SPOCD1: variants seen among roughly 807,000 people sequenced by gnomAD.
The protein encoded by SPOCD1 is SPOC domain containing 1, also known as SPOC domain-containing protein 1.
A neutral mutation model predicts 92.2 loss-of-function variants in SPOCD1; 64 were observed. The observed-to-expected ratio is 0.69, with a 90% CI of 0.57 to 0.86. The LOEUF (loss-of-function observed/expected upper bound fraction) is 0.86, where lower values mean the gene tolerates loss of function less well. Ranked by LOEUF, SPOCD1 falls within the 40% of genes least tolerant of loss-of-function variation. The pLI, the probability that SPOCD1 is intolerant of heterozygous loss-of-function variation, is 0.00. For synonymous variants in SPOCD1, 578 were observed against 619.3 expected (o/e 0.93, Z 0.99); for missense variants, 1,360 against 1,543.1 (o/e 0.88, Z 1.99).
chr1:31,814,109 A>T lies in SPOCD1; in HGVS notation c.1225T>A (p.Cys409Ser), dbSNP rs140273345. ...CTCTGCTCCATGAATGGGCCTGAGCAGGCCCTGCTGGCTTCAGTATCCAGG... is the reference window on the plus strand; with the variant it reads ...CTCTGCTCCATGAATGGGCCTGAGCTGGCCCTGCTGGCTTCAGTATCCAGG... ...SSLDTEASRACSGPFMEQRRS... is the reference protein window; with the variant it reads ...SSLDTEASRASSGPFMEQRRS... The change falls in exon 2 of 16, where the codon TGC (cysteine) becomes AGC (serine). Residue 409 changes from cysteine to serine, a missense_variant. Coordinates refer to ENST00000360482, the MANE Select transcript of SPOCD1 (RefSeq NM_144569.7). This position sits in a 1 kb window ranked among gnomAD's most constrained non-coding sequence, Gnocchi z 4.2. The T allele has an allele frequency of 3.7e-6, 6 of 1,610,236 alleles. No homozygotes were observed. The highest frequency in any genetic ancestry group is 5.1e-6 in the Non-Finnish European group (6 of 1,177,362).
chr1:31,793,366 G>A lies in SPOCD1; in HGVS notation c.2597C>T (p.Pro866Leu). The change falls in exon 13 of 16, where the codon CCC (proline) becomes CTC (leucine). Residue 866 changes from proline (P) to leucine (L), a missense_variant. By Grantham distance (98) the Pro-to-Leu change is moderately conservative (BLOSUM62 -3). This residue lies in a region of SPOCD1 where 614 missense variants were observed against 757.8 expected (regional missense o/e 0.81). Coordinates refer to ENST00000360482, the MANE Select transcript of SPOCD1 (RefSeq NM_144569.7). Reference protein sequence around the residue: ...APTKALPCLPPWEGVLDMFSI... With the variant: ...APTKALPCLPLWEGVLDMFSI... ...GAACATGTCCAGAACACCTTCCCAG[G>A]GTGGCAGGCAGGGCAGGGCCTTTGT... The A allele has an allele frequency of 6.3e-7, 1 of 1,592,578 alleles. No homozygotes were observed.
chr1:31,800,352 C>T, intron 4 of SPOCD1, 89 bp downstream of exon 4: 1 of 1,448,712 alleles, frequency 6.9e-7, no homozygotes, highest in African/African-American at 1.4e-5. Flanking sequence ...GCAAGTGGCA[C>T]CCTCTCTCTG....
At chr1:31,809,776 A>G (rs1649081149) in intron 2 of SPOCD1, among the ~76,000 whole-genome samples, 1 of 152,202 alleles carries the variant, frequency 6.6e-6, no homozygotes, top group Admixed American at 6.5e-5. Context: ...TGCCTGGAAC[A>G]GAAGAAGCTC....
At position 31,815,206 on chromosome 1, in the gene SPOCD1, G is replaced by A. The variant is rs201180859; in HGVS notation, c.128C>T (p.Pro43Leu). The A allele has an allele frequency of 4.9e-4, 795 of 1,608,218 alleles. 13 individuals are homozygous for A. In the South Asian group the frequency reaches 8.0e-3, roughly 16 times the overall value. The change falls in exon 2 of 16, where the codon CCG becomes CTG. Residue 43 changes from proline (P) to leucine (L), a missense_variant. Around this residue, in one of 3 missense-constraint regions of SPOCD1, gnomAD observed 140 missense variants for 183.8 expected, o/e 0.76. Coordinates refer to ENST00000360482, the MANE Select transcript of SPOCD1 (RefSeq NM_144569.7). ...SSMPGLSPDG[P>L]GASSGPGVRA... ...GACTCCGGGCCCAGAGCTTGCTCCCGGCCCATCTGGTGACAGGCCTGGCAT... is the reference window on the plus strand; with the variant it reads ...GACTCCGGGCCCAGAGCTTGCTCCCAGCCCATCTGGTGACAGGCCTGGCAT...
At chr1:31,799,944 C>T in intron 5 of SPOCD1, 72 bp downstream of exon 5, 1 of 1,612,674 alleles carries the variant, frequency 6.2e-7, no homozygotes, top group East Asian at 2.2e-5. Flanking sequence ...CTCTAGTCAC[C>T]TCCCCACTCC....
chr1:31,792,348 G>A lies in SPOCD1; in HGVS notation c.2829C>T (p.Cys943=). The A allele has an allele frequency of 6.2e-7, 1 of 1,614,002 alleles. No homozygotes were observed. The highest frequency in any genetic ancestry group is 8.5e-7 in the Non-Finnish European group (1 of 1,180,010). ...CPHGARDTQN[C]RLLYSYLNDR... Reference sequence around the variant, plus strand: ...CATTGAGGTATGAGTAGAGCAGGCGGCAGTTCTGGGTGTCCCGGGCCCCAT... The same window carrying A: ...CATTGAGGTATGAGTAGAGCAGGCGACAGTTCTGGGTGTCCCGGGCCCCAT... The change falls in exon 15 of 16, where the codon TGC becomes TGT. Residue 943 remains cysteine, a synonymous_variant. Coordinates refer to ENST00000360482, the MANE Select transcript of SPOCD1 (RefSeq NM_144569.7).
intron 1 of SPOCD1, 128 bp from the exon 2 acceptor site, chr1:31,815,500 G>C (rs1224573487): frequency 1.6e-6 from 1 of 610,826 alleles, no homozygotes; most frequent in East Asian, 3.0e-5. Flanking sequence ...AGGCCTAGGG[G>C]TGAGCACTCC....
rs1211499247 is a variant in SPOCD1, at chr1:31,791,071, G to A, written c.3183C>T (p.Gly1061=). ...GCCAGGCACCTCCTGGGGGAGGGGT[G>A]CCCTTCAGGGGCACATTCGGCCTCC... ...DDRRPNVPLK[G]TPPPGGAWQQ... is the part of the protein sequence containing the mutation. The change falls in exon 16 of 16, where the codon GGC becomes GGT. Residue 1061 remains glycine, a synonymous_variant. Transcript: ENST00000360482. 6.2e-7 allele frequency: 1 copy of A among 1,613,010 alleles called. No individual in the cohort carries two copies. The highest frequency in any genetic ancestry group is 8.5e-7 in the Non-Finnish European group (1 of 1,179,924).
Position 31,794,170 on chromosome 1 carries a change from C to G in SPOCD1, c.2337G>C (p.Gly779=). 6.2e-7 allele frequency: 1 copy of G among 1,614,100 alleles called. No homozygotes were observed. ...GGTCTAAGAAGTGGTGGTCATGCTG[C>G]CCCGTGGTGTCCTCTGATGCGATGG... is the stretch of plus-strand genomic sequence containing the variant. ...ALPIASEDTT[G]QHDHHFLDPN... The change falls in exon 11 of 16, where the codon GGG becomes GGC. Residue 779 remains glycine, a synonymous_variant. Transcript: ENST00000360482.
chr1:31,809,372 A>G (rs1355947940), intron 2 of SPOCD1, among the ~76,000 whole-genome samples: 1 of 152,282 alleles, frequency 6.6e-6, no homozygotes, highest in East Asian at 1.9e-4. Context: ...GGTGTATACT[A>G]TTTCAACCAC....
At position 31,794,251 on chromosome 1, in the gene SPOCD1, C is replaced by T; in HGVS notation, c.2272-16G>A. 1 of 1,596,936 alleles carries T rather than the reference C, an allele frequency of 6.3e-7. No individual in the cohort carries two copies. Among genetic ancestry groups the T allele is most frequent in the Non-Finnish European group, 8.6e-7 (1 of 1,166,926 alleles). On this transcript the variant is annotated splice_polypyrimidine_tract_variant and intron_variant, in intron 10 of 15. Coordinates refer to ENST00000360482, the MANE Select transcript of SPOCD1 (RefSeq NM_144569.7). ...TCTGCGGTCCCTGGGAGGCAGAAGA[C>T]AGAGGGGCAGGCTGAAAACGTGGCT...
At chr1:31,794,511 TTTTTG>T (rs1418024823) in intron 10 of SPOCD1, 21 of 255,790 alleles carry the variant, frequency 8.2e-5, no homozygotes, top group East Asian at 2.4e-4. Flanking sequence ...CTTTTTTTTT[TTTTTG>T]TTTGTTTGTT....
chr1:31,799,941 C>A, intron 5 of SPOCD1, 75 bp downstream of exon 5: 1 of 1,612,756 alleles, frequency 6.2e-7, no homozygotes, highest in South Asian at 1.1e-5. Flanking sequence ...TTCCTCTAGT[C>A]ACCTCCCCAC....
chr1:31,812,676 T>G (rs1649280294), intron 2 of SPOCD1, among the ~76,000 whole-genome samples: 1 of 152,220 alleles, frequency 6.6e-6, no homozygotes, highest in Admixed American at 6.5e-5. Context: ...CTCATAGGCT[T>G]GTTACAAAGA....
At position 31,798,635 on chromosome 1, in the gene SPOCD1, C is replaced by T; in HGVS notation, c.1869-34G>A. The T allele has an allele frequency of 6.2e-7, 1 of 1,600,182 alleles. No individual in the cohort carries two copies. Among genetic ancestry groups the T allele is most frequent in the Middle Eastern group, 1.7e-4 (1 of 6,048 alleles). On this transcript the variant is annotated intron_variant, in intron 7 of 15. Transcript: ENST00000360482. This position sits in a 1 kb window ranked among gnomAD's most constrained non-coding sequence, Gnocchi z 4.1. ...GCCAGGGCAGGGCGGGGGCACTGAG[C>T]CCAGGAGGCTCTCCAGGCACTTAGT... is the stretch of plus-strand genomic sequence containing the variant.
At chr1:31,803,885 AAAGG>A (rs1014693724) in intron 2 of SPOCD1, among the ~76,000 whole-genome samples, 7 of 151,476 alleles carry the variant, frequency 4.6e-5, no homozygotes, top group South Asian at 2.1e-4. Flanking sequence ...AGGAAGGAAG[AAAGG>A]AAGGAAGGAA....
chr1:31,792,695 A>T lies in SPOCD1; in HGVS notation c.2758T>A (p.Cys920Ser). Residue 920 changes from cysteine (C) to serine (S), a missense_variant, in exon 14 of 16, where the codon TGC becomes AGC. Physicochemically the swap from Cys to Ser is moderately radical, Grantham distance 112. Coordinates refer to ENST00000360482, the MANE Select transcript of SPOCD1 (RefSeq NM_144569.7). ...GCAGGTACCTTGGCCTTGGCTGGGCAGATGCTGGCCAGAAGGTCCCAGACA... is the reference window on the plus strand; with the variant it reads ...GCAGGTACCTTGGCCTTGGCTGGGCTGATGCTGGCCAGAAGGTCCCAGACA... ...NIVWDLLASI[C>S]PAKAKDVCVV... 1 of 1,604,430 alleles carries T rather than the reference A, an allele frequency of 6.2e-7. No individual in the cohort carries two copies. Among genetic ancestry groups the T allele is most frequent in the Non-Finnish European group, 8.5e-7 (1 of 1,175,884 alleles).
At chr1:31,794,081 A>G (rs1326065032) in intron 11 of SPOCD1, 43 bp downstream of exon 11, 1 of 1,592,946 alleles carries the variant, frequency 6.3e-7, no homozygotes. Context: ...GCTCAGCCCC[A>G]GCCTGGCTGC....
intron 2 of SPOCD1, among the ~76,000 whole-genome samples, chr1:31,805,833 T>C (rs1480526723): frequency 3.3e-5 from 5 of 151,996 alleles, no homozygotes; most frequent in Admixed American, 2.0e-4. Context: ...TATCAGACCT[T>C]TAAGGAAAGA....
Sources: allele counts gnomAD v4.1 joint callset (sites outside exome capture counted in the v4.1 genomes callset), GRCh38; gene constraint gnomAD v4.1.1; regional missense constraint gnomAD v4.1.1; non-coding constraint Gnocchi (gnomAD v3.1); transcripts MANE v1.5; gene names NCBI Gene and HGNC (gene_info 2026-07-23, HGNC 2026-07-21).